ROS1: variants seen among roughly 807,000 people sequenced by gnomAD.
The protein encoded by ROS1 is ROS proto-oncogene 1, receptor tyrosine kinase.
Under a neutral mutation model 273.5 loss-of-function variants are expected in ROS1, and 263 were observed. The observed-to-expected ratio is 0.96, with a 90% confidence interval of 0.87 to 1.06. The LOEUF (loss-of-function observed/expected upper bound fraction) is 1.06. Among genes scored for constraint, ROS1 ranks in the 50% least tolerant of loss-of-function variants. ROS1 has a pLI of 0.00. For synonymous variants in ROS1, 1,008 were observed against 954.1 expected (o/e 1.06, Z -1.04); for missense variants, 2,833 against 2,751.1 (o/e 1.03, Z -0.67).
At chr6:117,400,626 A>G (rs1297606128) in intron 7 of ROS1, among the ~76,000 whole-genome samples, 4 of 152,154 alleles carry the variant, frequency 2.6e-5, no homozygotes, top group Non-Finnish European at 5.9e-5. Context: ...TTCATACTCA[A>G]TCACCTTCAT....
intron 38 of ROS1, 113 bp from the exon 39 acceptor site, chr6:117,317,385 C>A: frequency 8.2e-7 from 1 of 1,222,016 alleles, no homozygotes; most frequent in Non-Finnish European, 1.1e-6. Flanking sequence ...AAACCCCTGA[C>A]TTAGTGTCTC....
chr6:117,422,864 G>A (rs1292369780), intron 1 of ROS1, among the ~76,000 whole-genome samples: 6 of 151,860 alleles, frequency 4.0e-5, no homozygotes, highest in South Asian at 4.2e-4. Flanking sequence ...TTTGTATTCC[G>A]AATTGCATCC....
chr6:117,406,431 G>C (rs768015411), intron 5 of ROS1, among the ~76,000 whole-genome samples: 1 of 152,022 alleles, frequency 6.6e-6, no homozygotes, highest in Non-Finnish European at 1.5e-5. Context: ...CTATAGATAT[G>C]GTCTTTAAGT....
At chr6:117,342,311 A>C in intron 29 of ROS1, 89 bp downstream of exon 29, 1 of 1,270,530 alleles carries the variant, frequency 7.9e-7, no homozygotes, top group Non-Finnish European at 1.1e-6. Flanking sequence ...ATTACTTCGC[A>C]TTCAGATTTT....
intron 12 of ROS1, among the ~76,000 whole-genome samples, chr6:117,391,676 C>G (rs553293750): frequency 6.6e-6 from 1 of 152,240 alleles, no homozygotes; most frequent in Non-Finnish European, 1.5e-5. Context: ...ACTCTCCTAT[C>G]ATGGTATAGA....
rs1002056236 is a variant in ROS1 at position 117,393,286 on chromosome 6, G to A, written c.1227C>T (p.Ile409=). 5.6e-6 allele frequency: 9 copies of A among 1,612,048 alleles called. No homozygotes were observed. Among genetic ancestry groups the A allele is most frequent in the Non-Finnish European group, 6.8e-6 (8 of 1,178,716 alleles). ...TAATAGAGGGTGGAGTAATTTCCTC[G>A]ATGTTTGAGCAGTTCTCTAAATCAC... ...CVCDLENCSN[I]EEITPPSISA... Residue 409 remains isoleucine (I), a synonymous_variant, in exon 12 of 44, where the codon ATC becomes ATT. Transcript: ENST00000368507.
chr6:117,404,234 A>C, intron 6 of ROS1, 46 bp downstream of exon 6: 1 of 1,571,264 alleles, frequency 6.4e-7, no homozygotes. Flanking sequence ...AAAAAAAAAA[A>C]ATTGGGAAGG....
chr6:117,369,861 GTA>G (rs1318275797), intron 18 of ROS1, among the ~76,000 whole-genome samples: 1 of 151,952 alleles, frequency 6.6e-6, no homozygotes, highest in African/African-American at 2.4e-5. Flanking sequence ...GTGTGTGTGT[GTA>G]TATATATGGA....
rs368022021 is a variant in ROS1, at chr6:117,287,872, C to T, written c.*620G>A. ...GAGGTGGAGTTTGCAGTGCCGAGAT[C>T]GTGCCATTGAACTCCAGCCTGGGCA... is the stretch of plus-strand genomic sequence containing the variant. On this transcript the variant is annotated 3_prime_UTR_variant, in exon 44 of 44. Transcript: ENST00000368507. Among the ~76,000 whole-genome samples, 7 of 148,144 alleles carry T rather than the reference C, an allele frequency of 4.7e-5. No individual in the cohort carries two copies. The highest frequency in any genetic ancestry group is 1.0e-4 in the African/African-American group (4 of 40,126).
intron 7 of ROS1, among the ~76,000 whole-genome samples, chr6:117,398,504 A>G (rs905956201): frequency 3.3e-5 from 5 of 151,856 alleles, no homozygotes; most frequent in Non-Finnish European, 7.4e-5. Flanking sequence ...CATGGCAAAA[A>G]CCCATCTCTA....
chr6:117,354,498 G>A (rs1163703125), intron 26 of ROS1, among the ~76,000 whole-genome samples: 1 of 152,156 alleles, frequency 6.6e-6, no homozygotes, highest in African/African-American at 2.4e-5. Context: ...AGAGAAGACA[G>A]GCTAAATATA....
At chr6:117,417,792 C>A (rs72969421) in intron 2 of ROS1, among the ~76,000 whole-genome samples, 19,027 of 152,220 alleles carry the variant, frequency 0.12, 1,305 homozygotes, top group African/African-American at 0.16. Flanking sequence ...GGCTTTTTCC[C>A]CTCTAGTCCA....
chr6:117,419,888 G>T (rs999615062), intron 1 of ROS1, among the ~76,000 whole-genome samples: 1 of 152,012 alleles, frequency 6.6e-6, no homozygotes, highest in Non-Finnish European at 1.5e-5. Flanking sequence ...TCTTGGGCAG[G>T]GTAGCCTCAC....
At chr6:117,351,231 G>A (rs1778834895) in intron 27 of ROS1, among the ~76,000 whole-genome samples, 1 of 152,040 alleles carries the variant, frequency 6.6e-6, no homozygotes, top group South Asian at 2.1e-4. Context: ...GTTCTTTTCA[G>A]TCCCCCCACC....
intron 43 of ROS1, among the ~76,000 whole-genome samples, chr6:117,293,494 C>T (rs562566454): frequency 6.6e-6 from 1 of 152,216 alleles, no homozygotes; most frequent in Non-Finnish European, 1.5e-5. Context: ...ATTGTTAGCT[C>T]TGGCTAGCAC....
intron 12 of ROS1, among the ~76,000 whole-genome samples, chr6:117,391,236 A>G (rs571473849): frequency 6.6e-6 from 1 of 152,360 alleles, no homozygotes; most frequent in East Asian, 1.9e-4. Flanking sequence ...GCAGGCAAAA[A>G]GCAAAAACAG....
chr6:117,310,197 G>A lies in ROS1; in HGVS notation c.6300C>T (p.Ala2100=), dbSNP rs374244131. Residue 2100 remains alanine, a synonymous_variant, in exon 41 of 44, where the codon GCC becomes GCT. Transcript: ENST00000368507. ...RIVKIGDFGL[A]RDIYKNDYYR... ...AGTAATCATTTTTATAGATGTCTCT[G>A]GCGAGTCCAAAGTCTCCAATCTTCA... is the stretch of plus-strand genomic sequence containing the variant. 9.5e-5 allele frequency: 153 copies of A among 1,612,960 alleles called. No individual in the cohort carries two copies. The highest frequency in any genetic ancestry group is 1.2e-4 in the Non-Finnish European group (146 of 1,179,444).
intron 5 of ROS1, among the ~76,000 whole-genome samples, chr6:117,406,013 C>A (rs986409728): frequency 3.9e-5 from 6 of 152,080 alleles, no homozygotes; most frequent in African/African-American, 1.2e-4. Context: ...TTTGGCCAGG[C>A]ATGGTGGCTC....
chr6:117,292,674 G>C (rs1773928366), intron 43 of ROS1, among the ~76,000 whole-genome samples: 1 of 152,166 alleles, frequency 6.6e-6, no homozygotes, highest in Non-Finnish European at 1.5e-5. Context: ...TCTTGACTGT[G>C]TCCTGGACTT....
Sources: allele counts gnomAD v4.1 joint callset (sites outside exome capture counted in the v4.1 genomes callset), GRCh38; gene constraint gnomAD v4.1.1; transcripts MANE v1.5; gene names NCBI Gene and HGNC (gene_info 2026-07-23, HGNC 2026-07-21).